POFUT3: variants seen among roughly 807,000 people sequenced by gnomAD.
POFUT3 encodes GDP-fucose protein O-fucosyltransferase 3.
At chr8:33,400,130 T>TAA in the POFUT3 span, among the ~76,000 whole-genome samples, 29,363 of 114,630 alleles carry the variant, frequency 0.26, 3,836 homozygotes, top group East Asian at 0.48. Flanking sequence ...TTAAGTTCAT[T>TAA]AAAAAAAAAA....
chr8:33,445,430 T>A, the POFUT3 span, among the ~76,000 whole-genome samples: 1 of 152,122 alleles, frequency 6.6e-6, no homozygotes, highest in South Asian at 2.1e-4. Flanking sequence ...ATGAAATGGA[T>A]GAGATCAGCA....
At chr8:33,331,971 G>A in the POFUT3 span, among the ~76,000 whole-genome samples, 7 of 148,894 alleles carry the variant, frequency 4.7e-5, no homozygotes, top group Non-Finnish European at 7.4e-5. Flanking sequence ...CACCGCGCCC[G>A]GCCTCTAAAA....
At chr8:33,353,132 C>T in the POFUT3 span, among the ~76,000 whole-genome samples, 1 of 152,236 alleles carries the variant, frequency 6.6e-6, no homozygotes, top group Non-Finnish European at 1.5e-5. Flanking sequence ...CTAAACTCAA[C>T]TCCACCATAT....
At chr8:33,463,899 C>T in the POFUT3 span, among the ~76,000 whole-genome samples, 1 of 151,948 alleles carries the variant, frequency 6.6e-6, no homozygotes, top group Non-Finnish European at 1.5e-5. Flanking sequence ...CACAAAGTAA[C>T]ACTTGGACTC....
the POFUT3 span, among the ~76,000 whole-genome samples, chr8:33,431,547 CAAAAAAAAAAAAAAAAAAAAAAAAAA>C: frequency 8.0e-4 from 28 of 35,080 alleles, no homozygotes; most frequent in Admixed American, 1.8e-3. Flanking sequence ...GACCCTGTCT[CAAAAAAAAAAAAAAAAAAAAAAAAAA>C]AAAAAAAAAA....
At chr8:33,441,798 A>G in the POFUT3 span, among the ~76,000 whole-genome samples, 1 of 152,224 alleles carries the variant, frequency 6.6e-6, no homozygotes, top group Non-Finnish European at 1.5e-5. Context: ...CACATCTCAG[A>G]GGATTTCTGT....
chr8:33,354,608 T>C, the POFUT3 span, among the ~76,000 whole-genome samples: 1 of 152,190 alleles, frequency 6.6e-6, no homozygotes, highest in Non-Finnish European at 1.5e-5. Flanking sequence ...CTGAGTCAAA[T>C]GCTGATCTAT....
At chr8:33,372,911 A>G in the POFUT3 span, 2 of 984,218 alleles carry the variant, frequency 2.0e-6, no homozygotes, top group Non-Finnish European at 1.5e-6. Context: ...CCATGGAGCT[A>G]AAGGGGAAAG....
At chr8:33,461,364 C>A in the POFUT3 span, 2 of 1,603,156 alleles carry the variant, frequency 1.2e-6, no homozygotes, top group Non-Finnish European at 1.7e-6. Flanking sequence ...AACCCACATT[C>A]TTGGTACCTG....
chr8:33,318,584 T>A, the POFUT3 span, among the ~76,000 whole-genome samples: 1 of 86,456 alleles, frequency 1.2e-5, no homozygotes, highest in African/African-American at 5.7e-5. Context: ...ATATATTGTA[T>A]ATATATTTAT....
At chr8:33,358,261 A>T in the POFUT3 span, among the ~76,000 whole-genome samples, 2 of 152,284 alleles carry the variant, frequency 1.3e-5, no homozygotes, top group African/African-American at 2.4e-5. Flanking sequence ...TCAAAAATAA[A>T]TAATAAATAA....
chr8:33,339,354 G>C, the POFUT3 span, among the ~76,000 whole-genome samples: 1 of 152,090 alleles, frequency 6.6e-6, no homozygotes, highest in East Asian at 1.9e-4. Context: ...TCAGTTATCT[G>C]GAAGGTAAAA....
the POFUT3 span, among the ~76,000 whole-genome samples, chr8:33,407,999 AAAAAAAG>A: frequency 6.6e-6 from 1 of 151,230 alleles, no homozygotes; most frequent in Non-Finnish European, 1.5e-5. Flanking sequence ...AAAAAAAAAA[AAAAAAAG>A]AAAAGAAAAG....
At chr8:33,422,545 CAAAA>C in the POFUT3 span, among the ~76,000 whole-genome samples, 11 of 37,136 alleles carry the variant, frequency 3.0e-4, no homozygotes, top group Admixed American at 4.5e-4. Context: ...AACTCTGTCT[CAAAA>C]AAAAAAAAAA....
At chr8:33,344,364 C>G in the POFUT3 span, among the ~76,000 whole-genome samples, 8 of 152,160 alleles carry the variant, frequency 5.3e-5, no homozygotes, top group Admixed American at 3.3e-4. Context: ...CTGTCTGAAG[C>G]CTTGCTGCCA....
chr8:33,461,627 G>C, the POFUT3 span: 2 of 1,529,872 alleles, frequency 1.3e-6, no homozygotes, highest in South Asian at 2.4e-5. Context: ...GGTTGTGAGA[G>C]GGTCTGGCTT....
chr8:33,453,871 C>T, the POFUT3 span, among the ~76,000 whole-genome samples: 1 of 152,152 alleles, frequency 6.6e-6, no homozygotes, highest in Non-Finnish European at 1.5e-5. Context: ...AATCGAATCA[C>T]TTGAACTCGG....
the POFUT3 span, among the ~76,000 whole-genome samples, chr8:33,349,594 A>T: frequency 6.6e-6 from 1 of 152,152 alleles, no homozygotes; most frequent in African/African-American, 2.4e-5. Flanking sequence ...CCATACAAGC[A>T]GCTGCAAATG....
chr8:33,343,029 C>A, the POFUT3 span, among the ~76,000 whole-genome samples: 1 of 151,772 alleles, frequency 6.6e-6, no homozygotes, highest in South Asian at 2.1e-4. Flanking sequence ...ATCGCTTGAA[C>A]CTAGGCGGCA....
Sources: gnomAD v4.1 joint callset for allele counts (sites outside exome capture counted in the v4.1 genomes callset) on GRCh38, gnomAD v4.1.1 for gene constraint, MANE v1.5 for transcripts, NCBI Gene and HGNC (gene_info 2026-07-23, HGNC 2026-07-21) for gene names.